CNTNAP2: variants seen among roughly 807,000 people sequenced by gnomAD.
The protein encoded by CNTNAP2 is contactin associated protein 2, also known as contactin-associated protein-like 2.
Under a neutral mutation model 155.2 loss-of-function variants are expected in CNTNAP2, and 98 were observed. The ratio of observed to expected loss-of-function variants is 0.63; its 90% confidence interval spans 0.54 to 0.75. The LOEUF (loss-of-function observed/expected upper bound fraction) is 0.75. Among genes scored for constraint, CNTNAP2 ranks in the 30% least tolerant of loss-of-function variants. The probability of loss-of-function intolerance (pLI) is 0.00; values close to 1 mark genes in which losing one functional copy is unlikely to be tolerated. For synonymous variants in CNTNAP2, 651 were observed against 631.2 expected (o/e 1.03, Z -0.47); for missense variants, 1,727 against 1,688.1 (o/e 1.02, Z -0.40).
intron 12 of CNTNAP2, among the ~76,000 whole-genome samples, chr7:147,590,873 C>G (rs1800723101): frequency 6.6e-6 from 1 of 152,102 alleles, no homozygotes; most frequent in South Asian, 2.1e-4. Flanking sequence ...TTGGAACATC[C>G]AAGTATCTGA....
intron 13 of CNTNAP2, among the ~76,000 whole-genome samples, chr7:147,652,543 G>A (rs1360846734): frequency 6.6e-6 from 1 of 152,126 alleles, no homozygotes; most frequent in African/African-American, 2.4e-5. Context: ...AAATCTCTGT[G>A]AGTTGTATAT....
intron 1 of CNTNAP2, among the ~76,000 whole-genome samples, chr7:146,766,505 A>C (rs1802197258): frequency 6.6e-6 from 1 of 152,182 alleles, no homozygotes; most frequent in African/African-American, 2.4e-5. Context: ...TGAAGTCACT[A>C]TAGAAACCAT....
intron 12 of CNTNAP2, among the ~76,000 whole-genome samples, chr7:147,573,621 G>A (rs1446916284): frequency 6.6e-6 from 1 of 152,108 alleles, no homozygotes; most frequent in Non-Finnish European, 1.5e-5. Context: ...GTACATTGTA[G>A]AATCTGATAT....
chr7:148,253,246 T>C (rs983087785), intron 20 of CNTNAP2, among the ~76,000 whole-genome samples: 2 of 151,934 alleles, frequency 1.3e-5, no homozygotes, highest in African/African-American at 4.8e-5. Context: ...TCGTCTACCA[T>C]TTTTTTTCCA....
intron 1 of CNTNAP2, among the ~76,000 whole-genome samples, chr7:146,120,129 T>C (rs1041519947): frequency 3.0e-4 from 46 of 152,094 alleles, no homozygotes; most frequent in African/African-American, 1.0e-3. Flanking sequence ...TATATTAGTC[T>C]ATTTTCTCTT....
intron 3 of CNTNAP2, among the ~76,000 whole-genome samples, chr7:146,876,261 G>A (rs1420827882): frequency 6.6e-6 from 1 of 152,048 alleles, no homozygotes; most frequent in Non-Finnish European, 1.5e-5. Flanking sequence ...AGACACTGAA[G>A]GTCATATTCT....
At chr7:147,447,150 T>A (rs1276675801) in intron 10 of CNTNAP2, among the ~76,000 whole-genome samples, 1 of 152,164 alleles carries the variant, frequency 6.6e-6, no homozygotes, top group Non-Finnish European at 1.5e-5. Flanking sequence ...GGGGCGCTTA[T>A]TTCAACCATG....
chr7:146,915,481 A>G (rs1190796481), intron 3 of CNTNAP2, among the ~76,000 whole-genome samples: 1 of 152,034 alleles, frequency 6.6e-6, no homozygotes, highest in African/African-American at 2.4e-5. Flanking sequence ...GTCATCTATG[A>G]TTTCTTTCAG....
At chr7:146,373,089 G>T (rs551729698) in intron 1 of CNTNAP2, among the ~76,000 whole-genome samples, 14 of 152,232 alleles carry the variant, frequency 9.2e-5, no homozygotes, top group Admixed American at 7.9e-4. Context: ...TATCCACTTC[G>T]CTGTACTTCA....
At chr7:148,207,967 A>T (rs1795479634) in intron 18 of CNTNAP2, among the ~76,000 whole-genome samples, 1 of 152,120 alleles carries the variant, frequency 6.6e-6, no homozygotes, top group South Asian at 2.1e-4. Context: ...GGGGGCCTGT[A>T]GTCCCAGCTA....
intron 1 of CNTNAP2, among the ~76,000 whole-genome samples, chr7:146,361,061 C>T (rs186899896): frequency 5.3e-5 from 8 of 152,268 alleles, no homozygotes; most frequent in African/African-American, 1.7e-4. Context: ...TATTTTGTAG[C>T]AGGAATTCTG....
At chr7:147,754,601 C>T (rs1435861272) in intron 13 of CNTNAP2, among the ~76,000 whole-genome samples, 1 of 152,020 alleles carries the variant, frequency 6.6e-6, no homozygotes, top group Non-Finnish European at 1.5e-5. Flanking sequence ...ATTGTTTAGA[C>T]ATTAGGGGAT....
At chr7:147,791,133 G>T (rs1797812557) in intron 13 of CNTNAP2, among the ~76,000 whole-genome samples, 1 of 151,832 alleles carries the variant, frequency 6.6e-6, no homozygotes, top group South Asian at 2.1e-4. Flanking sequence ...TCAACTTTTT[G>T]TCCTTTTCCA....
chr7:147,007,931 T>C lies in CNTNAP2; in HGVS notation c.403-35976T>C, dbSNP rs183685701. ...ATGAACTTCTCTCCCTAATCATCAA[T>C]GGAAAGAAAAGCTAAGCTTCTAATA... is the stretch of plus-strand genomic sequence containing the variant. On this transcript the variant is annotated intron_variant, in intron 3 of 23. Coordinates refer to ENST00000361727, the MANE Select transcript of CNTNAP2 (RefSeq NM_014141.6). 1.1e-3 allele frequency among the ~76,000 whole-genome samples: 162 copies of C among 152,260 alleles called. 1 individual carries two copies. The highest frequency in any genetic ancestry group is 1.3e-3 in the Non-Finnish European group (89 of 67,988).
intron 1 of CNTNAP2, among the ~76,000 whole-genome samples, chr7:146,485,127 G>T (rs1002773065): frequency 1.3e-5 from 2 of 151,498 alleles, no homozygotes; most frequent in Non-Finnish European, 2.9e-5. Context: ...ATCTTGCAAA[G>T]ATATGACAAA....
chr7:146,223,623 G>C (rs1335891192), intron 1 of CNTNAP2, among the ~76,000 whole-genome samples: 1 of 152,160 alleles, frequency 6.6e-6, no homozygotes, highest in Non-Finnish European at 1.5e-5. Context: ...CTTGACTCTA[G>C]ACAAACATGG....
rs371595969 is a variant in CNTNAP2, at chr7:146,464,575, T to A, written c.98-309696T>A. ...AAGTCTGTAAATACATAGTTGCACC[T>A]TCTTCCCTCTTTTTCTCTTCCTCCT... is the stretch of plus-strand genomic sequence containing the variant. On this transcript the variant is annotated intron_variant, in intron 1 of 23. Transcript: ENST00000361727. Among the ~76,000 whole-genome samples the A allele has an allele frequency of 3.6e-4, 55 of 152,236 alleles. No individual in the cohort carries two copies. The South Asian group carries it at 0.011, about 30-fold the overall frequency.
chr7:147,953,318 C>T (rs1306227538), intron 14 of CNTNAP2, among the ~76,000 whole-genome samples: 1 of 152,098 alleles, frequency 6.6e-6, no homozygotes. Context: ...CTTAGAAAGA[C>T]AAGCTCATGT....
At chr7:146,272,236 A>T (rs1800093917) in intron 1 of CNTNAP2, among the ~76,000 whole-genome samples, 1 of 152,128 alleles carries the variant, frequency 6.6e-6, no homozygotes, top group South Asian at 2.1e-4. Context: ...AAAGGGGGAA[A>T]ATCTCCCTAT....
Sources: allele counts gnomAD v4.1 joint callset (sites outside exome capture counted in the v4.1 genomes callset), GRCh38; gene constraint gnomAD v4.1.1; transcripts MANE v1.5; gene names NCBI Gene and HGNC (gene_info 2026-07-23, HGNC 2026-07-21).